The following TRIM67 variants were observed in gnomAD, a reference collection of about 807,000 sequenced individuals.
TRIM67 encodes the protein tripartite motif containing 67, also known as tripartite motif-containing protein 67.
Under a neutral mutation model 71.0 loss-of-function variants are expected in TRIM67, and 39 were observed. The observed-to-expected ratio is 0.55, with a 90% confidence interval of 0.43 to 0.72. The LOEUF is 0.72. TRIM67 is among the 30% of genes least tolerant of loss of function. TRIM67 has a pLI of 0.00. For missense variants in TRIM67, 973 were observed against 1,079.2 expected (o/e 0.90, Z 1.38); for synonymous variants, 481 against 473.9 (o/e 1.01, Z -0.19).
intron 8 of TRIM67, among the ~76,000 whole-genome samples, chr1:231,212,282 C>T (rs1030172951): frequency 6.6e-6 from 1 of 152,094 alleles, no homozygotes; most frequent in Non-Finnish European, 1.5e-5. Flanking sequence ...AGGTCTATGC[C>T]GGACACGAAC....
At chr1:231,194,119 G>A (rs1458962869) in intron 1 of TRIM67, among the ~76,000 whole-genome samples, 1 of 152,206 alleles carries the variant, frequency 6.6e-6, no homozygotes, top group African/African-American at 2.4e-5. Context: ...TGTGGCTGAA[G>A]CCCCAGGTCT....
In TRIM67 at chr1:231,216,915, C is replaced by G. The variant is rs1684027267; in HGVS notation, c.*1475C>G. 1.0e-6 allele frequency: 1 copy of G among 985,486 alleles called. No individual in the cohort carries two copies. Among genetic ancestry groups the G allele is most frequent in the Non-Finnish European group, 1.2e-6 (1 of 829,960 alleles). 61.0% of individuals were successfully genotyped at this position (985,486 alleles called of 1,614,324 possible). A position where few individuals can be genotyped will look rare whatever the true frequency, so the allele number is the denominator to read the frequency against. On this transcript the variant is annotated 3_prime_UTR_variant, in exon 10 of 10. Coordinates refer to ENST00000366653, the MANE Select transcript of TRIM67 (RefSeq NM_001004342.5). ...AGCTCCACCTGGTAGTAACATTTCT[C>G]TCTCCTTTTAAAAAGAATATATTTT...
chr1:231,189,329 T>C (rs1439288018), intron 1 of TRIM67, among the ~76,000 whole-genome samples: 1 of 152,156 alleles, frequency 6.6e-6, no homozygotes, highest in East Asian at 1.9e-4. Context: ...GTAAGGTGAA[T>C]GTTACCTTAC....
At chr1:231,180,456 C>T (rs574615035) in intron 1 of TRIM67, among the ~76,000 whole-genome samples, 1 of 152,122 alleles carries the variant, frequency 6.6e-6, no homozygotes, top group African/African-American at 2.4e-5. Context: ...TCTTTAAGAA[C>T]AACTTCATTC....
At chr1:231,176,830 G>C (rs368124674) in intron 1 of TRIM67, among the ~76,000 whole-genome samples, 1 of 141,782 alleles carries the variant, frequency 7.1e-6, no homozygotes, top group African/African-American at 2.7e-5. Flanking sequence ...TGAAGAACAG[G>C]AATAGCCAGG....
chr1:231,178,222 G>A (rs977620235), intron 1 of TRIM67, among the ~76,000 whole-genome samples: 8 of 152,310 alleles, frequency 5.3e-5, no homozygotes, highest in Admixed American at 2.0e-4. Context: ...TGTTAGCACT[G>A]CTTCAACTTT....
At chr1:231,192,202 G>GTC (rs71774946) in intron 1 of TRIM67, among the ~76,000 whole-genome samples, 4,462 of 149,968 alleles carry the variant, frequency 0.03, 95 homozygotes, top group Middle Eastern at 0.083. Flanking sequence ...CACTCTCCCT[G>GTC]TCTCTCTCTC....
intron 5 of TRIM67, 62 bp downstream of exon 5, chr1:231,201,579 G>C: frequency 6.4e-7 from 1 of 1,553,168 alleles, no homozygotes; most frequent in Non-Finnish European, 8.7e-7. Flanking sequence ...GCAGTCTGAG[G>C]GGCCAGCTCG....
At chr1:231,185,710 G>T (rs142900812) in intron 1 of TRIM67, among the ~76,000 whole-genome samples, 2 of 152,040 alleles carry the variant, frequency 1.3e-5, no homozygotes, top group African/African-American at 2.4e-5. Flanking sequence ...AAAGATGATT[G>T]AACGGCTCAC....
At chr1:231,182,092 A>G (rs1682921143) in intron 1 of TRIM67, among the ~76,000 whole-genome samples, 1 of 152,140 alleles carries the variant, frequency 6.6e-6, no homozygotes, top group Non-Finnish European at 1.5e-5. Flanking sequence ...CTAATATAAT[A>G]TTTCATATCA....
At chr1:231,186,082 C>T in intron 1 of TRIM67, 1 of 1,533,154 alleles carries the variant, frequency 6.5e-7, no homozygotes, top group Non-Finnish European at 8.7e-7. Flanking sequence ...TCACCTCTCT[C>T]CTGATAGGCG....
At chr1:231,178,995 G>A (rs1682830271) in intron 1 of TRIM67, among the ~76,000 whole-genome samples, 1 of 152,222 alleles carries the variant, frequency 6.6e-6, no homozygotes, top group Admixed American at 6.5e-5. Context: ...GATTTTCTGT[G>A]AATATATATG....
At position 231,219,063 on chromosome 1, in the gene TRIM67, C is replaced by T; in HGVS notation, c.*3623C>T. ...AGGTGGTTCAGTGTCAAGGAGGCTGCTGCTGGTCCCATGGCCACCTGCTGG... is the reference window on the plus strand; with the variant it reads ...AGGTGGTTCAGTGTCAAGGAGGCTGTTGCTGGTCCCATGGCCACCTGCTGG... On this transcript the variant is annotated 3_prime_UTR_variant, in exon 10 of 10. Transcript: ENST00000366653. 1.0e-6 allele frequency: 1 copy of T among 985,546 alleles called. No homozygotes were observed. Among genetic ancestry groups the T allele is most frequent in the South Asian group, 4.7e-5 (1 of 21,282 alleles). The allele number at this position is 985,546 out of a possible 1,614,324, so 61.1% of individuals were successfully genotyped here.
At chr1:231,212,580 GA>G (rs1683904196) in intron 8 of TRIM67, among the ~76,000 whole-genome samples, 1 of 152,200 alleles carries the variant, frequency 6.6e-6, no homozygotes, top group East Asian at 1.9e-4. Context: ...TAACAAGTTA[GA>G]GTAAAAAGGT....
chr1:231,162,891 C>G lies in TRIM67; in HGVS notation c.-79C>G. On this transcript the variant is annotated 5_prime_UTR_variant, in exon 1 of 10. Transcript: ENST00000366653. Reference sequence around the variant, plus strand: ...CCCGTCGTCTCACCGGGGCGCACCGCGCTGGTCCTCCTCCGCCAGTCTCCC... The same window carrying G: ...CCCGTCGTCTCACCGGGGCGCACCGGGCTGGTCCTCCTCCGCCAGTCTCCC... 6.5e-7 allele frequency: 1 copy of G among 1,536,024 alleles called. No individual in the cohort carries two copies.
Position 231,163,519 on chromosome 1 carries a change from G to C in TRIM67, c.550G>C (p.Ala184Pro). 1 of 1,517,554 alleles carries C rather than the reference G, an allele frequency of 6.6e-7. No individual in the cohort carries two copies. Among genetic ancestry groups the C allele is most frequent in the South Asian group, 1.2e-5 (1 of 81,546 alleles). 94.0% of individuals were successfully genotyped at this position (1,517,554 alleles called of 1,614,324 possible). Residue 184 changes from alanine (A) to proline (P), a missense_variant, in exon 1 of 10, where the codon GCC becomes CCC. Transcript: ENST00000366653. ...RGFQRNRLLEAIVQRYQQGRG... is the reference protein window; with the variant it reads ...RGFQRNRLLEPIVQRYQQGRG... ...CTTCCAGCGCAACCGGCTGCTCGAG[G>C]CCATCGTGCAGCGGTACCAGCAGGG... is the stretch of plus-strand genomic sequence containing the variant.
chr1:231,187,599 T>C (rs1683121077), intron 1 of TRIM67: 49 of 1,515,904 alleles, frequency 3.2e-5, no homozygotes, highest in Non-Finnish European at 4.1e-5. Flanking sequence ...AATGATGGTG[T>C]GAAACTCTCA....
At chr1:231,185,095 C>T in intron 1 of TRIM67, 3 of 1,532,958 alleles carry the variant, frequency 2.0e-6, no homozygotes, top group Non-Finnish European at 2.6e-6. Flanking sequence ...GCACTTCGGT[C>T]ACCATCTGCT....
intron 6 of TRIM67, among the ~76,000 whole-genome samples, chr1:231,206,004 C>T (rs931466011): frequency 5.3e-5 from 8 of 152,328 alleles, no homozygotes; most frequent in African/African-American, 7.2e-5. Flanking sequence ...CACGCCTCGC[C>T]GCCTCGCAGG....
Sources: gnomAD v4.1 joint callset for allele counts (sites outside exome capture counted in the v4.1 genomes callset) on GRCh38, gnomAD v4.1.1 for gene constraint, MANE v1.5 for transcripts, NCBI Gene and HGNC (gene_info 2026-07-23, HGNC 2026-07-21) for gene names.